KIAA1958: variants seen among roughly 807,000 people sequenced by gnomAD.
KIAA1958 encodes the protein uncharacterized protein KIAA1958.
In KIAA1958, 14 loss-of-function variants were observed where a neutral mutation model predicts 47.2. The ratio of observed to expected loss-of-function variants is 0.30; its 90% confidence interval spans 0.20 to 0.46. The LOEUF is 0.46. Ranked by LOEUF, KIAA1958 falls within the 20% of genes least tolerant of loss-of-function variation. KIAA1958 has a pLI of 1.00. For missense variants in KIAA1958, 803 were observed against 909.2 expected, an observed-to-expected ratio of 0.88 and a Z score of 1.50; for synonymous variants, 354 against 353.3, an observed-to-expected ratio of 1.00 and a Z score of -0.02.
chr9:112,524,539 T>C (rs956499491), intron 1 of KIAA1958, among the ~76,000 whole-genome samples: 1 of 152,340 alleles, frequency 6.6e-6, no homozygotes, highest in Non-Finnish European at 1.5e-5. Context: ...TTCATTCACA[T>C]TGTTGTGCTA....
intron 1 of KIAA1958, among the ~76,000 whole-genome samples, chr9:112,546,899 C>G (rs927555670): frequency 6.6e-6 from 1 of 151,988 alleles, no homozygotes; most frequent in East Asian, 1.9e-4. Flanking sequence ...CTCCTTGACA[C>G]CCTGAGCTTT....
chr9:112,575,080 G>A lies in KIAA1958; in HGVS notation c.1000G>A (p.Asp334Asn). 1 of 1,612,940 alleles carries A rather than the reference G, an allele frequency of 6.2e-7. No homozygotes were observed. The highest frequency in any genetic ancestry group is 2.2e-5 in the East Asian group (1 of 44,882). The change falls in exon 2 of 4, where the codon GAT (aspartate) becomes AAT (asparagine). Residue 334 changes from aspartate to asparagine, a missense_variant. By Grantham distance (23) the Asp-to-Asn change is conservative. Transcript: ENST00000337530. The part of the protein sequence containing the change: ...PLSALQLPGQ[D>N]EQVASEEFLS... ...GTCTGCCCTGCAGCTGCCTGGACAG[G>A]ATGAGCAAGTTGCCTCTGAAGAGTT...
In KIAA1958 at chr9:112,520,288, A is replaced by G. The variant is rs191284902; in HGVS notation, c.-25+33170A>G. Among the ~76,000 whole-genome samples, 41 of 152,394 alleles carry G rather than the reference A, an allele frequency of 2.7e-4. No individual in the cohort carries two copies. The East Asian group carries it at 6.4e-3, about 24-fold the overall frequency. On this transcript the variant is annotated intron_variant, in intron 1 of 3. Coordinates refer to ENST00000337530, the MANE Select transcript of KIAA1958 (RefSeq NM_133465.4). The stretch of plus-strand genomic sequence containing the variant: ...GTAGAAGCACTACCTTCAGTTGTAG[A>G]TAAGACAATGAATGTGGTATAGTCT...
At chr9:112,508,285 C>G (rs552833906) in intron 1 of KIAA1958, among the ~76,000 whole-genome samples, 1 of 152,190 alleles carries the variant, frequency 6.6e-6, no homozygotes, top group Non-Finnish European at 1.5e-5. Flanking sequence ...AAATACACTA[C>G]TAGTATGCAT....
rs1379049512 is a variant in KIAA1958 at position 112,530,017 on chromosome 9, G to GT, written c.-25+42906dup. 2.6e-5 allele frequency among the ~76,000 whole-genome samples: 4 copies of GT among 152,038 alleles called. No homozygotes were observed. The South Asian group carries it at 6.2e-4, about 24-fold the overall frequency. ...CGCCACCACGCCCAGCTAATTTTTT[G>GT]TTTTTTTAGTGGAGACAGGGTTTCA... On this transcript the variant is annotated intron_variant, in intron 1 of 3. Transcript: ENST00000337530.
rs145392825 is a variant in KIAA1958, at chr9:112,653,559, A to T, written c.1345-5704A>T. On this transcript the variant is annotated intron_variant, in intron 3 of 3. Coordinates refer to ENST00000337530, the MANE Select transcript of KIAA1958 (RefSeq NM_133465.4). ...ACTTTTCCCCATATTCCCACAGTCTAACTGGGCCTCCTCACATGGCAACAC... is the reference window on the plus strand; with the variant it reads ...ACTTTTCCCCATATTCCCACAGTCTTACTGGGCCTCCTCACATGGCAACAC... 2.5e-3 allele frequency among the ~76,000 whole-genome samples: 377 copies of T among 152,246 alleles called. 1 individual carries two copies. The highest frequency in any genetic ancestry group is 8.5e-3 in the African/African-American group (355 of 41,544).
chr9:112,499,998 A>G (rs1353332203), intron 1 of KIAA1958, among the ~76,000 whole-genome samples: 1 of 151,836 alleles, frequency 6.6e-6, no homozygotes, highest in African/African-American at 2.4e-5. Flanking sequence ...TCCTATCTAC[A>G]TTTTTCTAAT....
chr9:112,561,091 G>T (rs1424406570), intron 1 of KIAA1958, among the ~76,000 whole-genome samples: 2 of 142,288 alleles, frequency 1.4e-5, no homozygotes, highest in African/African-American at 2.6e-5. Context: ...GTCTTGCTCT[G>T]TTGCCCAGGC....
At chr9:112,607,318 G>A (rs1331032255) in intron 2 of KIAA1958, among the ~76,000 whole-genome samples, 1 of 151,174 alleles carries the variant, frequency 6.6e-6, no homozygotes, top group Non-Finnish European at 1.5e-5. Flanking sequence ...GAGCGACACA[G>A]CAAAACTCTG....
chr9:112,487,921 C>A (rs1833893869), intron 1 of KIAA1958, among the ~76,000 whole-genome samples: 1 of 142,956 alleles, frequency 7.0e-6, no homozygotes, highest in African/African-American at 2.7e-5. Context: ...GTGATTTTTA[C>A]AATTATATGT....
At chr9:112,509,760 CTG>C (rs1834292818) in intron 1 of KIAA1958, among the ~76,000 whole-genome samples, 1 of 152,148 alleles carries the variant, frequency 6.6e-6, no homozygotes, top group African/African-American at 2.4e-5. Flanking sequence ...TTGGTGCCCT[CTG>C]TGTTTTTGGT....
chr9:112,660,688 G>C lies in KIAA1958; in HGVS notation c.*619G>C. The C allele has an allele frequency of 6.5e-6, 1 of 152,766 alleles. No individual in the cohort carries two copies. Among genetic ancestry groups the C allele is most frequent in the Middle Eastern group, 3.4e-3 (1 of 294 alleles). The allele number at this position is 152,766 out of a possible 1,614,324, so 9.5% of individuals were successfully genotyped here. On this transcript the variant is annotated 3_prime_UTR_variant, in exon 4 of 4. Transcript: ENST00000337530. ...GGCTGCTCCCACGGCTCCCAGCAGC[G>C]GTAGGAACCCCATCTCGGCTGTCAA...
At chr9:112,624,958 C>G (rs1458137342) in intron 2 of KIAA1958, among the ~76,000 whole-genome samples, 2 of 152,028 alleles carry the variant, frequency 1.3e-5, no homozygotes, top group African/African-American at 2.4e-5. Context: ...GTGGGGAGCG[C>G]AAGAAGATAG....
chr9:112,526,523 G>A (rs1031836872), intron 1 of KIAA1958, among the ~76,000 whole-genome samples: 1 of 152,012 alleles, frequency 6.6e-6, no homozygotes, highest in African/African-American at 2.4e-5. Flanking sequence ...TAGGATTACA[G>A]ATGTGAACCA....
chr9:112,630,248 T>A (rs1279815992), intron 2 of KIAA1958, among the ~76,000 whole-genome samples: 1 of 152,232 alleles, frequency 6.6e-6, no homozygotes, highest in Non-Finnish European at 1.5e-5. Flanking sequence ...AAAGCCCTGC[T>A]GCAAACAATT....
intron 2 of KIAA1958, among the ~76,000 whole-genome samples, chr9:112,601,485 A>C (rs1443139802): frequency 6.6e-6 from 1 of 152,132 alleles, no homozygotes; most frequent in Non-Finnish European, 1.5e-5. Context: ...GACCACACTG[A>C]TATTAGACCT....
At chr9:112,497,918 G>T (rs564824902) in intron 1 of KIAA1958, among the ~76,000 whole-genome samples, 7 of 151,892 alleles carry the variant, frequency 4.6e-5, no homozygotes, top group Non-Finnish European at 8.8e-5. Context: ...TAGTTTTTTT[G>T]TTGTTGTTGT....
intron 1 of KIAA1958, among the ~76,000 whole-genome samples, chr9:112,492,222 A>G (rs1833982008): frequency 6.6e-6 from 1 of 152,208 alleles, no homozygotes; most frequent in African/African-American, 2.4e-5. Context: ...ATAAGCTCAA[A>G]GTGTTGGCAG....
chr9:112,588,716 T>TC (rs1835870681), intron 2 of KIAA1958, among the ~76,000 whole-genome samples: 1 of 152,130 alleles, frequency 6.6e-6, no homozygotes, highest in South Asian at 2.1e-4. Context: ...CCCATGAGAT[T>TC]CCCAAGCTGG....
Sources: allele counts gnomAD v4.1 joint callset (sites outside exome capture counted in the v4.1 genomes callset), GRCh38; gene constraint gnomAD v4.1.1; transcripts MANE v1.5; gene names NCBI Gene and HGNC (gene_info 2026-07-23, HGNC 2026-07-21).